Variants in CBFA2T3 observed in about 807,000 individuals in gnomAD.
CBFA2T3 encodes the protein CBFA2/RUNX1 partner transcriptional co-repressor 3.
CBFA2T3 carries 31 observed loss-of-function variants against 58.6 expected under a neutral mutation model. That is an observed-to-expected ratio of 0.53 (90% CI 0.40 to 0.71). The LOEUF is 0.71. CBFA2T3 is among the 30% of genes least tolerant of loss of function. The pLI is 0.00. For synonymous variants in CBFA2T3, 531 were observed against 421.9 expected (o/e 1.26, Z -3.17); for missense variants, 1,076 against 963.1 (o/e 1.12, Z -1.55).
intron 1 of CBFA2T3, among the ~76,000 whole-genome samples, chr16:88,916,249 T>G (rs1970720686): frequency 6.6e-6 from 1 of 151,886 alleles, no homozygotes; most frequent in Admixed American, 6.6e-5. Flanking sequence ...CATGTGTGTA[T>G]TCATGCGTGT....
rs112375843 is a variant in CBFA2T3, at chr16:88,892,549, C to T, written c.380-64G>A. 1.2e-4 allele frequency: 189 copies of T among 1,584,724 alleles called. No individual in the cohort carries two copies. The African/African-American group carries it at 1.9e-3, about 16-fold the overall frequency. Reference sequence around the variant, plus strand: ...GGTGACAACACAACCCAGACGGCGGCGACAGTGAGGGAAGCAGCGACTAAG... The same window carrying T: ...GGTGACAACACAACCCAGACGGCGGTGACAGTGAGGGAAGCAGCGACTAAG... On this transcript the variant is annotated intron_variant, in intron 3 of 11. Transcript: ENST00000268679.
intron 5 of CBFA2T3, among the ~76,000 whole-genome samples, chr16:88,889,776 G>A (rs1287821698): frequency 6.7e-6 from 1 of 148,318 alleles, no homozygotes; most frequent in South Asian, 2.2e-4. Flanking sequence ...TCCTCCTCCA[G>A]GGACGACGCC....
intron 1 of CBFA2T3, among the ~76,000 whole-genome samples, chr16:88,924,964 G>A (rs1597734377): frequency 6.6e-6 from 1 of 152,250 alleles, no homozygotes; most frequent in African/African-American, 2.4e-5. Flanking sequence ...AAAACTGAGG[G>A]ACGGCCCTGA....
chr16:88,937,023 C>T (rs866781192), intron 1 of CBFA2T3: 1 of 152,220 alleles, frequency 6.6e-6, no homozygotes, highest in Admixed American at 6.5e-5. Flanking sequence ...ATTTTTTTTC[C>T]AGACAAGCAA....
chr16:88,972,081 T>A (rs929526729), intron 1 of CBFA2T3, among the ~76,000 whole-genome samples: 1 of 152,204 alleles, frequency 6.6e-6, no homozygotes, highest in African/African-American at 2.4e-5. Flanking sequence ...TAGGTGCTGA[T>A]TCAAGGTCTT....
chr16:88,903,436 C>A (rs1054138426), intron 1 of CBFA2T3, among the ~76,000 whole-genome samples: 11 of 152,134 alleles, frequency 7.2e-5, no homozygotes, highest in African/African-American at 2.4e-4. Context: ...ACAGGCCTCG[C>A]GGCACCTGCT....
chr16:88,972,829 G>C (rs1209226630), intron 1 of CBFA2T3, among the ~76,000 whole-genome samples: 1 of 152,240 alleles, frequency 6.6e-6, no homozygotes, highest in African/African-American at 2.4e-5. Flanking sequence ...GGGAGGTGAG[G>C]TCTGAGGGTG....
chr16:88,940,638 T>C (rs1418508568), intron 1 of CBFA2T3, among the ~76,000 whole-genome samples: 3 of 151,656 alleles, frequency 2.0e-5, no homozygotes, highest in Non-Finnish European at 4.4e-5. Context: ...TGGACCCCCC[T>C]CCCCAGACCG....
intron 1 of CBFA2T3, among the ~76,000 whole-genome samples, chr16:88,942,091 C>T (rs1202363616): frequency 6.6e-6 from 1 of 152,146 alleles, no homozygotes; most frequent in Non-Finnish European, 1.5e-5. Context: ...ACTTTGCATT[C>T]ATTTGCATAT....
Position 88,977,029 on chromosome 16 carries a change from CG to C in CBFA2T3, c.-223del, listed in dbSNP as rs1338672682. 6 of 473,578 alleles carry C rather than the reference CG, an allele frequency of 1.3e-5. No homozygotes were observed. Among genetic ancestry groups the C allele is most frequent in the Non-Finnish European group, 1.5e-5 (4 of 264,422 alleles). The allele number at this position is 473,578 out of a possible 1,614,324, so 29.3% of individuals were successfully genotyped here. A position where few individuals can be genotyped will look rare whatever the true frequency, so the allele number is the denominator to read the frequency against. On this transcript the variant is annotated 5_prime_UTR_variant, in exon 1 of 12. An upstream open reading frame in the 5' UTR gains an earlier in-frame stop. Coordinates refer to ENST00000268679, the MANE Select transcript of CBFA2T3 (RefSeq NM_005187.6). ...TGGGAGCCCTGGGGCTCATGTGACG[CG>C]GGGCGGGCCTGGGGCTGCAGGCTGG...
intron 1 of CBFA2T3, among the ~76,000 whole-genome samples, chr16:88,941,369 C>T (rs1296198466): frequency 6.8e-6 from 1 of 146,370 alleles, no homozygotes; most frequent in African/African-American, 2.5e-5. Flanking sequence ...GCGGCCCCCG[C>T]CCCGCGCGCT....
At chr16:88,882,570 CTGTGGGCGTGGCTG>C (rs1362399852) in intron 8 of CBFA2T3, 92 bp downstream of exon 8, 17 of 383,798 alleles carry the variant, frequency 4.4e-5, no homozygotes, top group Middle Eastern at 8.1e-4. Context: ...GTGGGCATGG[CTGTGGGCGTGGCTG>C]TGTGTGCATG....
At chr16:88,916,460 G>C (rs1567606283) in intron 1 of CBFA2T3, among the ~76,000 whole-genome samples, 1 of 151,070 alleles carries the variant, frequency 6.6e-6, no homozygotes, top group African/African-American at 2.5e-5. Flanking sequence ...GCACATGTGG[G>C]TGTATGTGTG....
intron 1 of CBFA2T3, among the ~76,000 whole-genome samples, chr16:88,972,488 TCCTC>T (rs1972680145): frequency 6.6e-6 from 1 of 152,170 alleles, no homozygotes; most frequent in African/African-American, 2.4e-5. Context: ...CCTTCGTAAA[TCCTC>T]CCTCATGGAG....
rs1969347964 is a variant in CBFA2T3, at chr16:88,885,884, TCTCTTACCCAGAGGG to T, written c.893+62_893+76del. The T allele has an allele frequency of 4.5e-6, 6 of 1,333,786 alleles. No homozygotes were observed. Among genetic ancestry groups the T allele is most frequent in the Non-Finnish European group, 6.2e-6 (6 of 971,260 alleles). The allele number at this position is 1,333,786 out of a possible 1,614,324, so 82.6% of individuals were successfully genotyped here. On this transcript the variant is annotated intron_variant, in intron 6 of 11. Coordinates refer to ENST00000268679, the MANE Select transcript of CBFA2T3 (RefSeq NM_005187.6). The surrounding 1 kb of genome is among the most constrained non-coding windows in gnomAD (Gnocchi z 5.3). ...GGCTGCAGCCCCAGAGGAGGTTCCC[TCTCTTACCCAGAGGG>T]GAGCAGGGTGAGCCGCGTGTCCACG...
intron 1 of CBFA2T3, among the ~76,000 whole-genome samples, chr16:88,948,229 A>T (rs1597778762): frequency 6.6e-6 from 1 of 152,342 alleles, no homozygotes; most frequent in East Asian, 1.9e-4. Context: ...ATCAGCTGAC[A>T]AATCGGTTCT....
intron 1 of CBFA2T3, among the ~76,000 whole-genome samples, chr16:88,919,577 G>T (rs1044011693): frequency 6.6e-6 from 1 of 152,152 alleles, no homozygotes; most frequent in Admixed American, 6.5e-5. Context: ...GATCACAAGG[G>T]CAAAACCCAC....
At chr16:88,943,976 T>C (rs368798547) in intron 1 of CBFA2T3, among the ~76,000 whole-genome samples, 1 of 151,854 alleles carries the variant, frequency 6.6e-6, no homozygotes, top group East Asian at 1.9e-4. Flanking sequence ...AGGAGGGAGC[T>C]CGAGGGTGTG....
rs1238175923 is a variant in CBFA2T3 at position 88,879,416 on chromosome 16, G to A, written c.1516C>T (p.Gln506Ter). Reference sequence around the variant, plus strand: ...CGCTCCGCGTCCGACACGGCTTTCTGCAGCTCCGACATGGCCTGCCGCTTC... The same window carrying A: ...CGCTCCGCGTCCGACACGGCTTTCTACAGCTCCGACATGGCCTGCCGCTTC... ...EVKRQAMSEL[Q>*]KAVSDAERKA... is the part of the protein sequence containing the mutation. Residue 506 changes from glutamine to a stop codon, truncating the protein, a stop_gained, in exon 11 of 12, where the codon CAG (glutamine) becomes TAG (stop). Coordinates refer to ENST00000268679, the MANE Select transcript of CBFA2T3 (RefSeq NM_005187.6). LOFTEE classifies it high-confidence loss of function. 6.2e-7 allele frequency: 1 copy of A among 1,612,956 alleles called. No individual in the cohort carries two copies. Among genetic ancestry groups the A allele is most frequent in the Non-Finnish European group, 8.5e-7 (1 of 1,179,672 alleles).
Sources: allele counts gnomAD v4.1 joint callset (sites outside exome capture counted in the v4.1 genomes callset), GRCh38; gene constraint gnomAD v4.1.1; non-coding constraint Gnocchi (gnomAD v3.1); transcripts MANE v1.5; gene names NCBI Gene and HGNC (gene_info 2026-07-23, HGNC 2026-07-21).